Variants in FBXL20 observed in about 807,000 individuals in gnomAD.
The protein encoded by FBXL20 is F-box/LRR-repeat protein 20.
A neutral mutation model predicts 64.0 loss-of-function variants in FBXL20; 11 were observed. That is an observed-to-expected ratio of 0.17 (90% CI 0.11 to 0.28). FBXL20 has a LOEUF of 0.28. Among genes scored for constraint, FBXL20 ranks in the 10% least tolerant of loss-of-function variants. The probability of loss-of-function intolerance (pLI) is 1.00; values close to 1 mark genes in which losing one functional copy is unlikely to be tolerated. For synonymous variants in FBXL20, 184 were observed against 189.0 expected (o/e 0.97, Z 0.22); for missense variants, 303 against 526.2 (o/e 0.58, Z 4.15).
At chr17:39,296,067 G>A (rs1160860074) in intron 6 of FBXL20, among the ~76,000 whole-genome samples, 1 of 152,026 alleles carries the variant, frequency 6.6e-6, no homozygotes, top group Non-Finnish European at 1.5e-5. Context: ...ACAAAAAAGT[G>A]TTAATTACAT....
chr17:39,402,020 CT>C, upstream of FBXL20: 3 of 631,648 alleles, frequency 4.7e-6, no homozygotes, highest in East Asian at 3.5e-5. Context: ...CCGTGTCCCC[CT>C]CTCCTCCCTC....
intron 9 of FBXL20, 116 bp downstream of exon 9, chr17:39,281,273 A>G (rs960389887): frequency 1.9e-5 from 16 of 849,150 alleles, no homozygotes; most frequent in Non-Finnish European, 2.8e-5. Context: ...CTTTGTCACT[A>G]GGGTTGTGGT....
At chr17:39,320,763 T>C (rs1471943685) in intron 2 of FBXL20, among the ~76,000 whole-genome samples, 2 of 151,912 alleles carry the variant, frequency 1.3e-5, no homozygotes, top group African/African-American at 4.8e-5. Context: ...TCTGGCTAAT[T>C]TTTGTATTTA....
chr17:39,263,713 T>G (rs1173158921), intron 14 of FBXL20, among the ~76,000 whole-genome samples: 1 of 152,052 alleles, frequency 6.6e-6, no homozygotes, highest in Non-Finnish European at 1.5e-5. Flanking sequence ...ACAGAAAAGG[T>G]AAAAGTCTAT....
At chr17:39,315,351 A>T (rs1409846577) in intron 2 of FBXL20, among the ~76,000 whole-genome samples, 2 of 150,120 alleles carry the variant, frequency 1.3e-5, no homozygotes, top group African/African-American at 5.0e-5. Flanking sequence ...TTCACAAACT[A>T]CCTCAGGAGG....
intron 2 of FBXL20, among the ~76,000 whole-genome samples, chr17:39,328,766 G>A (rs2047433438): frequency 6.6e-6 from 1 of 152,204 alleles, no homozygotes; most frequent in Non-Finnish European, 1.5e-5. Context: ...TATTTACAAT[G>A]TCATGGCTAG....
At chr17:39,376,425 C>T (rs1021162967) in intron 1 of FBXL20, among the ~76,000 whole-genome samples, 4 of 152,130 alleles carry the variant, frequency 2.6e-5, no homozygotes, top group African/African-American at 9.7e-5. Flanking sequence ...AAATGTATGT[C>T]CATAAGGGCA....
intron 1 of FBXL20, among the ~76,000 whole-genome samples, chr17:39,395,186 A>G (rs1306027099): frequency 6.6e-6 from 1 of 152,180 alleles, no homozygotes; most frequent in East Asian, 1.9e-4. Context: ...GCACTTTGGG[A>G]GGCCGAGGTG....
At chr17:39,269,718 G>C (rs1023538595) in intron 11 of FBXL20, among the ~76,000 whole-genome samples, 1 of 149,800 alleles carries the variant, frequency 6.7e-6, no homozygotes, top group East Asian at 2.0e-4. Flanking sequence ...GGCTGATCTC[G>C]AACTCCTGAC....
chr17:39,287,069 T>G (rs941428760), intron 6 of FBXL20, among the ~76,000 whole-genome samples: 10 of 151,470 alleles, frequency 6.6e-5, no homozygotes, highest in African/African-American at 2.4e-4. Flanking sequence ...CCTGCCACCA[T>G]GCCCAGCTAA....
intron 2 of FBXL20, among the ~76,000 whole-genome samples, chr17:39,323,890 T>C (rs190054616): frequency 0.036 from 5,332 of 148,882 alleles, 385 homozygotes; most frequent in African/African-American, 0.13. Context: ...CTCAGCCTCC[T>C]GAGTAGCTGG....
intron 2 of FBXL20, among the ~76,000 whole-genome samples, chr17:39,304,625 C>T (rs968743590): frequency 3.3e-5 from 5 of 152,034 alleles, no homozygotes; most frequent in African/African-American, 4.8e-5. Context: ...AGGTCTTGCT[C>T]CTGTCACCCA....
intron 2 of FBXL20, among the ~76,000 whole-genome samples, chr17:39,334,050 G>C (rs2047494626): frequency 6.6e-6 from 1 of 152,228 alleles, no homozygotes; most frequent in Non-Finnish European, 1.5e-5. Context: ...GTGGGGAAAA[G>C]AAAGAGAGAT....
At chr17:39,311,327 TTCATTACACTTTACTG>T (rs1424473698) in intron 2 of FBXL20, among the ~76,000 whole-genome samples, 1 of 152,214 alleles carries the variant, frequency 6.6e-6, no homozygotes, top group East Asian at 1.9e-4. Context: ...TTTCCCTTCT[TTCATTACACTTTACTG>T]TCCTTTTAAG....
At chr17:39,319,033 G>T (rs879680193) in intron 2 of FBXL20, among the ~76,000 whole-genome samples, 1 of 151,530 alleles carries the variant, frequency 6.6e-6, no homozygotes. Context: ...GGCAAATCAC[G>T]TGGTCAGGAG....
At chr17:39,280,392 ACT>A (rs1469296242) in intron 9 of FBXL20, among the ~76,000 whole-genome samples, 12 of 100,862 alleles carry the variant, frequency 1.2e-4, no homozygotes, top group Admixed American at 1.1e-3. Flanking sequence ...ACACAGTGAG[ACT>A]CTGTCTCAAA....
chr17:39,255,375 T>C lies in FBXL20; in HGVS notation c.*6085A>G, dbSNP rs2046686091. ...TGGCGTGAACCTGGGAGGTGGAGCTTGCAGTGAGCCGAGATCACGCCACTG... is the reference window on the plus strand; with the variant it reads ...TGGCGTGAACCTGGGAGGTGGAGCTCGCAGTGAGCCGAGATCACGCCACTG... On this transcript the variant is annotated 3_prime_UTR_variant, in exon 15 of 15. Transcript: ENST00000264658. 6.6e-6 allele frequency: 1 copy of C among 151,378 alleles called. No homozygotes were observed. Among genetic ancestry groups the C allele is most frequent in the African/African-American group, 2.4e-5 (1 of 41,202 alleles). 9.4% of individuals were successfully genotyped at this position (151,378 alleles called of 1,614,324 possible).
At chr17:39,281,491 A>G (rs368711239) in intron 8 of FBXL20, 28 bp from the exon 9 acceptor site, 1 of 1,570,530 alleles carries the variant, frequency 6.4e-7, no homozygotes, top group Non-Finnish European at 8.7e-7. Flanking sequence ...TAAGAAAAAA[A>G]TGATTATTGA....
rs2047093922 is a variant in FBXL20 at position 39,297,212 on chromosome 17, G to A, written c.330-17C>T. 2 of 1,588,224 alleles carry A rather than the reference G, an allele frequency of 1.3e-6. No individual in the cohort carries two copies. Among genetic ancestry groups the A allele is most frequent in the East Asian group, 4.5e-5 (2 of 44,558 alleles). On this transcript the variant is annotated splice_polypyrimidine_tract_variant and intron_variant, in intron 5 of 14. Transcript: ENST00000264658. ...GCAAAGGTTCTTTGTAGGAAAGAAAGTAAGAGGTTTCAAATGAAATAGGCC... is the reference window on the plus strand; with the variant it reads ...GCAAAGGTTCTTTGTAGGAAAGAAAATAAGAGGTTTCAAATGAAATAGGCC...
Sources: allele counts gnomAD v4.1 joint callset (sites outside exome capture counted in the v4.1 genomes callset), GRCh38; gene constraint gnomAD v4.1.1; transcripts MANE v1.5; gene names NCBI Gene and HGNC (gene_info 2026-07-23, HGNC 2026-07-21).